The following SKAP1 variants were observed in gnomAD, a reference collection of about 807,000 sequenced individuals.
SKAP1 encodes the protein src kinase-associated phosphoprotein 1.
SKAP1 carries 44 observed loss-of-function variants against 58.5 expected under a neutral mutation model. The ratio of observed to expected loss-of-function variants is 0.75; its 90% confidence interval spans 0.59 to 0.97. SKAP1 has a LOEUF of 0.97. SKAP1 is among the 50% of genes least tolerant of loss of function. SKAP1 has a pLI of 0.00. For missense variants in SKAP1, 390 were observed against 435.2 expected (o/e 0.90, Z 0.92); for synonymous variants, 127 against 149.7 (o/e 0.85, Z 1.11).
intron 2 of SKAP1, among the ~76,000 whole-genome samples, chr17:48,384,937 C>T (rs1373901660): frequency 2.6e-5 from 4 of 151,948 alleles, no homozygotes; most frequent in African/African-American, 9.7e-5. Flanking sequence ...CTAAGGAGAA[C>T]GTGGTGAGGA....
At chr17:48,173,206 T>C (rs986958181) in intron 9 of SKAP1, among the ~76,000 whole-genome samples, 1 of 149,994 alleles carries the variant, frequency 6.7e-6, no homozygotes, top group Non-Finnish European at 1.5e-5. Flanking sequence ...AAAGGACGGA[T>C]ACTCTGGGAA....
At chr17:48,242,029 T>C (rs2065248297) in intron 4 of SKAP1, among the ~76,000 whole-genome samples, 1 of 152,190 alleles carries the variant, frequency 6.6e-6, no homozygotes, top group Non-Finnish European at 1.5e-5. Context: ...TAAGACAGCA[T>C]TTCCTGCTTG....
rs373038555 is a variant in SKAP1, at chr17:48,298,371, C to T, written c.280+47534G>A. Among the ~76,000 whole-genome samples, 45 of 152,274 alleles carry T rather than the reference C, an allele frequency of 3.0e-4. 2 individuals carry two copies. The South Asian group carries it at 9.3e-3, about 32-fold the overall frequency. On this transcript the variant is annotated intron_variant, in intron 4 of 12. Coordinates refer to ENST00000336915, the MANE Select transcript of SKAP1 (RefSeq NM_003726.4). ...CTCTCCTTGGACTGATTCTGATTGA[C>T]TATGTGGAAGGGGTTACCCTGGATT...
chr17:48,184,234 A>T (rs908366392), intron 7 of SKAP1, among the ~76,000 whole-genome samples: 6 of 151,382 alleles, frequency 4.0e-5, no homozygotes, highest in Non-Finnish European at 5.9e-5. Flanking sequence ...ATATCTTAGA[A>T]ATCCTTCCAG....
At chr17:48,323,086 ACT>A (rs748000193) in intron 4 of SKAP1, among the ~76,000 whole-genome samples, 1 of 151,918 alleles carries the variant, frequency 6.6e-6, no homozygotes, top group Non-Finnish European at 1.5e-5. Flanking sequence ...ACAGAGTGAG[ACT>A]CTGTCTCAAA....
intron 11 of SKAP1, among the ~76,000 whole-genome samples, chr17:48,151,522 TCA>T (rs566962851): frequency 6.8e-4 from 104 of 152,076 alleles, no homozygotes; most frequent in Non-Finnish European, 1.4e-3. Context: ...ATGAGCCACA[TCA>T]CAAAGAAAAA....
At chr17:48,219,362 C>A (rs542219017) in intron 4 of SKAP1, among the ~76,000 whole-genome samples, 6 of 152,338 alleles carry the variant, frequency 3.9e-5, no homozygotes, top group Non-Finnish European at 8.8e-5. Flanking sequence ...TTATCATCCA[C>A]AAACCTTTTT....
At chr17:48,197,040 C>G (rs570814573) in intron 4 of SKAP1, among the ~76,000 whole-genome samples, 1 of 152,112 alleles carries the variant, frequency 6.6e-6, no homozygotes, top group Non-Finnish European at 1.5e-5. Context: ...GGGCAGATCA[C>G]GAGGTCGGGA....
intron 4 of SKAP1, among the ~76,000 whole-genome samples, chr17:48,310,905 T>A (rs1389161919): frequency 5.9e-5 from 9 of 152,182 alleles, no homozygotes; most frequent in African/African-American, 2.2e-4. Context: ...TGGAGTTTAT[T>A]GCAACACACA....
chr17:48,170,540 A>G, intron 10 of SKAP1, 69 bp downstream of exon 10: 1 of 1,321,406 alleles, frequency 7.6e-7, no homozygotes, highest in Non-Finnish European at 1.1e-6. Flanking sequence ...GTCTCAGAGA[A>G]AGGTGCTTTC....
At chr17:48,178,516 G>A (rs1401398012) in intron 9 of SKAP1, among the ~76,000 whole-genome samples, 3 of 152,116 alleles carry the variant, frequency 2.0e-5, no homozygotes, top group Non-Finnish European at 2.9e-5. Flanking sequence ...CAATGGAGCC[G>A]ACTGTGAAAG....
At chr17:48,406,197 G>A (rs1240999161) in intron 1 of SKAP1, among the ~76,000 whole-genome samples, 27 of 151,664 alleles carry the variant, frequency 1.8e-4, no homozygotes, top group Admixed American at 1.6e-3. Flanking sequence ...CCTGAGAGGC[G>A]GAGGTTGCAG....
chr17:48,440,008 A>T, the SKAP1 span, among the ~76,000 whole-genome samples: 1 of 152,000 alleles, frequency 6.6e-6, no homozygotes, highest in Non-Finnish European at 1.5e-5. Context: ...CCTTCCTCTT[A>T]TCTCTGGGAC....
chr17:48,333,005 A>G (rs1209475218), intron 4 of SKAP1, among the ~76,000 whole-genome samples: 1 of 152,202 alleles, frequency 6.6e-6, no homozygotes, highest in Non-Finnish European at 1.5e-5. Flanking sequence ...TGCCTATTCT[A>G]GATAGGAAAA....
intron 2 of SKAP1, among the ~76,000 whole-genome samples, chr17:48,376,542 A>G (rs1255863977): frequency 6.6e-6 from 1 of 152,190 alleles, no homozygotes; most frequent in African/African-American, 2.4e-5. Context: ...CATATTATTC[A>G]CCTGAAGGCA....
chr17:48,292,348 C>CA (rs993330341), intron 4 of SKAP1, among the ~76,000 whole-genome samples: 2 of 151,316 alleles, frequency 1.3e-5, no homozygotes, highest in African/African-American at 2.4e-5. Flanking sequence ...TAAAAAAAAC[C>CA]AAAAAAACAA....
chr17:48,224,492 T>C (rs1030633666), intron 4 of SKAP1, among the ~76,000 whole-genome samples: 2 of 152,198 alleles, frequency 1.3e-5, no homozygotes, highest in South Asian at 4.1e-4. Flanking sequence ...GTGATGAAGA[T>C]GATTTAAATA....
At chr17:48,240,495 G>A (rs1385747987) in intron 4 of SKAP1, among the ~76,000 whole-genome samples, 2 of 152,206 alleles carry the variant, frequency 1.3e-5, no homozygotes, top group Non-Finnish European at 1.5e-5. Context: ...CTGAGTTGCA[G>A]CAAATGCCCT....
At chr17:48,398,387 G>T (rs531809827) in intron 1 of SKAP1, among the ~76,000 whole-genome samples, 57 of 152,162 alleles carry the variant, frequency 3.7e-4, no homozygotes, top group African/African-American at 1.3e-3. Context: ...GGACCATCTA[G>T]TTGCAGAAAA....
Sources: allele counts gnomAD v4.1 joint callset (sites outside exome capture counted in the v4.1 genomes callset), GRCh38; gene constraint gnomAD v4.1.1; transcripts MANE v1.5; gene names NCBI Gene and HGNC (gene_info 2026-07-23, HGNC 2026-07-21).